The following FBXO11 variants were observed in gnomAD, a reference collection of about 807,000 sequenced individuals.
FBXO11 encodes the protein F-box protein 11, also known as F-box only protein 11.
Under a neutral mutation model 117.0 loss-of-function variants are expected in FBXO11, and 13 were observed. The observed-to-expected ratio is 0.11, with a 90% CI of 0.07 to 0.18. FBXO11 has a LOEUF of 0.18. Among genes scored for constraint, FBXO11 ranks in the 10% least tolerant of loss-of-function variants. The probability of loss-of-function intolerance (pLI) is 1.00; values close to 1 mark genes in which losing one functional copy is unlikely to be tolerated. For missense variants in FBXO11, 767 were observed against 1,164.4 expected (o/e 0.66, Z 4.97); for synonymous variants, 490 against 380.5 (o/e 1.29, Z -3.35).
At chr2:47,865,351 G>A (rs1415746158) in intron 1 of FBXO11, among the ~76,000 whole-genome samples, 1 of 152,206 alleles carries the variant, frequency 6.6e-6, no homozygotes, top group Non-Finnish European at 1.5e-5. Flanking sequence ...ATGGGCTACA[G>A]GTGTCCTGTA....
intron 20 of FBXO11, 131 bp downstream of exon 20, chr2:47,809,469 T>C (rs1670462899): frequency 5.3e-6 from 4 of 748,558 alleles, no homozygotes; most frequent in Non-Finnish European, 8.5e-6. Context: ...CAAAGCTCTG[T>C]TTCTTTCAAA....
intron 1 of FBXO11, among the ~76,000 whole-genome samples, chr2:47,841,181 G>C (rs1315793214): frequency 2.6e-5 from 4 of 152,052 alleles, no homozygotes; most frequent in Non-Finnish European, 4.4e-5. Context: ...CTGGGCAACA[G>C]AGCAAGACTC....
chr2:47,873,007 G>A (rs1675736557), intron 1 of FBXO11, among the ~76,000 whole-genome samples: 1 of 151,828 alleles, frequency 6.6e-6, no homozygotes, highest in Non-Finnish European at 1.5e-5. Flanking sequence ...GCAGTTAAAA[G>A]GGTCTTGTTT....
In FBXO11 at chr2:47,838,936, G is replaced by A. The variant is rs748863531; in HGVS notation, c.510C>T (p.Tyr170=). ...CTCTACAAAGATCCTGTTCCAGCAA[G>A]TAAGAGAAGATTTTTAGAACCACTT... ...PDEVVLKIFS[Y]LLEQDLCRAA... The change falls in exon 4 of 23, where the codon TAC becomes TAT. Residue 170 remains tyrosine (Y), a synonymous_variant. Coordinates refer to ENST00000403359, the MANE Select transcript of FBXO11 (RefSeq NM_001190274.2). The A allele has an allele frequency of 2.5e-6, 4 of 1,614,028 alleles. No individual in the cohort carries two copies. The highest frequency in any genetic ancestry group is 1.1e-5 in the South Asian group (1 of 91,076).
chr2:47,829,709 G>C (rs1339407553), intron 11 of FBXO11, among the ~76,000 whole-genome samples: 1 of 143,842 alleles, frequency 7.0e-6, no homozygotes, highest in Non-Finnish European at 1.5e-5. Context: ...TTATGTGAAA[G>C]AAAAAAAAAA....
chr2:47,840,078 G>C (rs1672898975), intron 1 of FBXO11, among the ~76,000 whole-genome samples: 1 of 151,934 alleles, frequency 6.6e-6, no homozygotes, highest in Non-Finnish European at 1.5e-5. Context: ...CGAGTAGCTG[G>C]GACTACAGGC....
intron 21 of FBXO11, 78 bp from the exon 22 acceptor site, chr2:47,808,505 A>G: frequency 3.1e-6 from 4 of 1,311,408 alleles, no homozygotes; most frequent in Non-Finnish European, 4.1e-6. Flanking sequence ...ATATATTACT[A>G]TGACCTTTGG....
In FBXO11 at chr2:47,831,019, G is replaced by C. The variant is rs191918670; in HGVS notation, c.1398+1330C>G. ...TCACCATGTTGTCCAGGCTGGTTTT[G>C]AACTCCTGAGCCCAAGCGATCCAAC... On this transcript the variant is annotated intron_variant, in intron 11 of 22. Coordinates refer to ENST00000403359, the MANE Select transcript of FBXO11 (RefSeq NM_001190274.2). 9.5e-4 allele frequency among the ~76,000 whole-genome samples: 144 copies of C among 151,872 alleles called. No homozygotes were observed. In the South Asian group the frequency reaches 0.011, roughly 11 times the overall value.
intron 18 of FBXO11, among the ~76,000 whole-genome samples, chr2:47,812,344 G>A (rs995177315): frequency 6.6e-6 from 1 of 152,318 alleles, no homozygotes; most frequent in South Asian, 2.1e-4. Flanking sequence ...GGAATGGTCT[G>A]TTCGCCTCTC....
intron 1 of FBXO11, among the ~76,000 whole-genome samples, chr2:47,846,523 T>G (rs1159400589): frequency 2.6e-5 from 4 of 152,188 alleles, no homozygotes; most frequent in Non-Finnish European, 5.9e-5. Context: ...TAGAATATTA[T>G]GCCAATGATT....
intron 1 of FBXO11, among the ~76,000 whole-genome samples, chr2:47,901,128 C>CATATATACATATAT (rs1262333844): frequency 0.08 from 6,718 of 84,092 alleles, 405 homozygotes; most frequent in Non-Finnish European, 0.1. Context: ...CACGTGTGTA[C>CATATATACATATAT]ATGTATATAT....
chr2:47,806,925 ATCT>A lies in FBXO11; in HGVS notation c.*1190_*1192del. The A allele has an allele frequency of 8.4e-7, 1 of 1,196,338 alleles. No homozygotes were observed. Among genetic ancestry groups the A allele is most frequent in the South Asian group, 1.3e-5 (1 of 79,480 alleles). 74.1% of individuals were successfully genotyped at this position (1,196,338 alleles called of 1,614,324 possible). Reference sequence around the variant, plus strand: ...GGTGGTAAATTCAGACAACATTATGATCTAATAAACTTTATTTTTTAAAAATGA... The same window carrying A: ...GGTGGTAAATTCAGACAACATTATGAAATAAACTTTATTTTTTAAAAATGA... On this transcript the variant is annotated 3_prime_UTR_variant, in exon 23 of 23. Transcript: ENST00000403359.
intron 16 of FBXO11, 51 bp from the exon 17 acceptor site, chr2:47,813,918 T>C (rs760100041): frequency 3.7e-6 from 5 of 1,349,006 alleles, no homozygotes. Flanking sequence ...TACTCCCATA[T>C]CTTCATGTTA....
At position 47,895,818 on chromosome 2, in the gene FBXO11, G is replaced by C. The variant is rs142475888; in HGVS notation, c.232+9671C>G. Among the ~76,000 whole-genome samples, 210 of 151,738 alleles carry C rather than the reference G, an allele frequency of 1.4e-3. 1 individual carries two copies. The highest frequency in any genetic ancestry group is 4.9e-3 in the African/African-American group (203 of 41,380). On this transcript the variant is annotated intron_variant, in intron 1 of 22. Transcript: ENST00000403359. ...GGCGATTCTCCTGCCTCAGCCTCCC[G>C]AGTAGCTGGGATTACAGGCATCTGC...
intron 1 of FBXO11, among the ~76,000 whole-genome samples, chr2:47,904,622 A>AC (rs1678603289): frequency 2.9e-5 from 4 of 138,834 alleles, no homozygotes; most frequent in Non-Finnish European, 6.3e-5. Context: ...ACACACACAC[A>AC]AAATATCCCA....
intron 1 of FBXO11, among the ~76,000 whole-genome samples, chr2:47,840,259 T>TA (rs1437878655): frequency 2.6e-5 from 4 of 151,388 alleles, no homozygotes; most frequent in Non-Finnish European, 4.4e-5. Flanking sequence ...GACTTTTTTT[T>TA]AAAAAAAGGT....
In FBXO11 at chr2:47,860,713, G is replaced by A. The variant is rs562273586; in HGVS notation, c.233-20944C>T. Among the ~76,000 whole-genome samples the A allele has an allele frequency of 1.3e-3, 198 of 149,540 alleles. 1 individual carries two copies. Among genetic ancestry groups the A allele is most frequent in the African/African-American group, 4.4e-3 (180 of 40,684 alleles). ...TGAGCCACCACGCCCAGCCTACCCT[G>A]GGTTATTAACTAAGGCTAATCAAAA... On this transcript the variant is annotated intron_variant, in intron 1 of 22. Coordinates refer to ENST00000403359, the MANE Select transcript of FBXO11 (RefSeq NM_001190274.2).
intron 1 of FBXO11, among the ~76,000 whole-genome samples, chr2:47,865,504 CA>C (rs1466737674): frequency 6.6e-6 from 1 of 152,198 alleles, no homozygotes; most frequent in Non-Finnish European, 1.5e-5. Flanking sequence ...ATAAATAAAA[CA>C]GGGGCCTAGG....
chr2:47,808,988 C>A (rs980550076), intron 21 of FBXO11, 170 bp downstream of exon 21: 2 of 511,260 alleles, frequency 3.9e-6, no homozygotes, highest in African/African-American at 2.0e-5. Context: ...TAAGCCACCA[C>A]GCCTACCCAC....
Sources: gnomAD v4.1 joint callset for allele counts (sites outside exome capture counted in the v4.1 genomes callset) on GRCh38, gnomAD v4.1.1 for gene constraint, MANE v1.5 for transcripts, NCBI Gene and HGNC (gene_info 2026-07-23, HGNC 2026-07-21) for gene names.